Variants in SPATA18 observed in about 807,000 individuals in gnomAD.
SPATA18 encodes the protein spermatogenesis associated 18.
Under a neutral mutation model 68.1 loss-of-function variants are expected in SPATA18, and 54 were observed. The ratio of observed to expected loss-of-function variants is 0.79; its 90% CI spans 0.64 to 0.99. The LOEUF (loss-of-function observed/expected upper bound fraction) is 0.99. Ranked by LOEUF, SPATA18 falls within the 50% of genes least tolerant of loss-of-function variation. The probability of loss-of-function intolerance (pLI) is 0.00; values close to 1 mark genes in which losing one functional copy is unlikely to be tolerated. For synonymous variants in SPATA18, 242 were observed against 244.8 expected, an observed-to-expected ratio of 0.99 and a Z score of 0.11; for missense variants, 724 against 681.1, an observed-to-expected ratio of 1.06 and a Z score of -0.70.
chr4:52,060,264 G>A (rs1195836707), intron 1 of SPATA18, among the ~76,000 whole-genome samples, 155 bp from the exon 2 acceptor site: 1 of 152,196 alleles, frequency 6.6e-6, no homozygotes, highest in Non-Finnish European at 1.5e-5. Context: ...GTGTCCAGGA[G>A]GAAAGGGAGA....
chr4:52,078,852 A>G lies in SPATA18; in HGVS notation c.1138A>G (p.Ile380Val), dbSNP rs1740650900. The change falls in exon 8 of 13, where the codon ATT becomes GTT. Residue 380 changes from isoleucine to valine, a missense_variant. Coordinates refer to ENST00000295213, the MANE Select transcript of SPATA18 (RefSeq NM_145263.4). ...DFENAVLDYV[I>V]CHLDLYDSQS... is the part of the protein sequence containing the mutation. ...TGAGAATGCTGTCTTGGATTATGTC[A>G]TTTGTCATCTTGATCTATATGATTC... The G allele has an allele frequency of 6.2e-7, 1 of 1,605,404 alleles. No homozygotes were observed.
chr4:52,089,161 ATTC>A (rs904659343), intron 11 of SPATA18, among the ~76,000 whole-genome samples: 6 of 151,322 alleles, frequency 4.0e-5, no homozygotes, highest in Non-Finnish European at 8.8e-5. Context: ...TGTCTATTTG[ATTC>A]TTCTCTCTTT....
At chr4:52,052,784 C>G (rs1738012266) in intron 1 of SPATA18, among the ~76,000 whole-genome samples, 1 of 152,222 alleles carries the variant, frequency 6.6e-6, no homozygotes, top group Non-Finnish European at 1.5e-5. Flanking sequence ...TAGCTTGTTT[C>G]TGAGATCCTG....
rs1470704617 is a variant in SPATA18 at position 52,051,496 on chromosome 4, C to T, written c.-209C>T. 2 of 554,700 alleles carry T rather than the reference C, an allele frequency of 3.6e-6. No homozygotes were observed. Among genetic ancestry groups the T allele is most frequent in the East Asian group, 2.9e-5 (1 of 34,840 alleles). The allele number at this position is 554,700 out of a possible 1,614,324, so 34.4% of individuals were successfully genotyped here. A position where few individuals can be genotyped will look rare whatever the true frequency, so the allele number is the denominator to read the frequency against. On this transcript the variant is annotated 5_prime_UTR_variant, in exon 1 of 13. Coordinates refer to ENST00000295213, the MANE Select transcript of SPATA18 (RefSeq NM_145263.4). The stretch of plus-strand genomic sequence containing the variant: ...ACCGCGCGGGACGGCGGATGAGGCG[C>T]GGCGGCTGCGGCCCAGGGCACCTCC...
rs768447449 is a variant in SPATA18 at position 52,079,880 on chromosome 4, T to A, written c.1316T>A (p.Ile439Asn). ...CAGGCCTTAGAACCACCCCTAGATA[T>A]TGCATATGGAGCAGATGGAGAAGTT... ...AMQALEPPLD[I>N]AYGADGEVFN... Residue 439 changes from isoleucine to asparagine, a missense_variant, in exon 9 of 13, where the codon ATT becomes AAT. Physicochemically the swap from Ile to Asn is moderately radical, Grantham distance 149. Transcript: ENST00000295213. The A allele has an allele frequency of 6.2e-7, 1 of 1,613,848 alleles. No homozygotes were observed. Among genetic ancestry groups the A allele is most frequent in the Non-Finnish European group, 8.5e-7 (1 of 1,179,850 alleles).
chr4:52,077,210 T>G (rs2109481306), intron 7 of SPATA18, among the ~76,000 whole-genome samples, 170 bp downstream of exon 7: 1 of 151,786 alleles, frequency 6.6e-6, no homozygotes, highest in South Asian at 2.1e-4. Context: ...CTTCCCTTTC[T>G]TCCTCCTTTC....
chr4:52,094,600 A>C, intron 12 of SPATA18, 28 bp downstream of exon 12: 1 of 1,611,060 alleles, frequency 6.2e-7, no homozygotes, highest in Non-Finnish European at 8.5e-7. Flanking sequence ...AGATGGATCA[A>C]ATTTTCTGCT....
At chr4:52,052,326 G>A (rs2109394357) in intron 1 of SPATA18, among the ~76,000 whole-genome samples, 1 of 152,336 alleles carries the variant, frequency 6.6e-6, no homozygotes, top group Non-Finnish European at 1.5e-5. Context: ...TCACTTGCGT[G>A]CTGGTGGGCC....
intron 11 of SPATA18, among the ~76,000 whole-genome samples, chr4:52,089,022 T>A (rs1432924192): frequency 6.6e-6 from 1 of 152,204 alleles, no homozygotes; most frequent in African/African-American, 2.4e-5. Flanking sequence ...AGGGTGTATG[T>A]GTCCAGGAAT....
chr4:52,063,403 C>T (rs1347184459), intron 4 of SPATA18, among the ~76,000 whole-genome samples: 6 of 152,190 alleles, frequency 3.9e-5, no homozygotes, highest in Non-Finnish European at 8.8e-5. Flanking sequence ...TTTGTGCCTG[C>T]ACCTCCACAC....
intron 6 of SPATA18, among the ~76,000 whole-genome samples, chr4:52,074,141 A>G (rs1740108556): frequency 6.6e-6 from 1 of 152,202 alleles, no homozygotes; most frequent in African/African-American, 2.4e-5. Flanking sequence ...TTTTTCTTCT[A>G]GAATGGGATT....
Position 52,072,044 on chromosome 4 carries a change from C to G in SPATA18, c.646C>G (p.Gln216Glu). 1.2e-6 allele frequency: 2 copies of G among 1,613,888 alleles called. No individual in the cohort carries two copies. The highest frequency in any genetic ancestry group is 1.7e-6 in the Non-Finnish European group (2 of 1,179,996). The change falls in exon 6 of 13, where the codon CAG becomes GAG. Residue 216 changes from glutamine (Q) to glutamate (E), a missense_variant. Physicochemically the swap from Gln to Glu is conservative, Grantham distance 29. Transcript: ENST00000295213. ...GCGTGAGCAGTGGAACTCACTCAAG[C>G]AGAATGCAGACCAGCAGGACACAGA... ...RKREQWNSLKQNADQQDTEAM... is the reference protein window; with the variant it reads ...RKREQWNSLKENADQQDTEAM...
intron 9 of SPATA18, among the ~76,000 whole-genome samples, chr4:52,080,816 G>A (rs1377167637): frequency 6.6e-6 from 1 of 152,168 alleles, no homozygotes; most frequent in African/African-American, 2.4e-5. Context: ...GCATGAAGTG[G>A]GTGCCCAGGA....
intron 1 of SPATA18, among the ~76,000 whole-genome samples, chr4:52,055,276 A>AT (rs1738241221): frequency 1.3e-5 from 2 of 152,238 alleles, no homozygotes; most frequent in Non-Finnish European, 2.9e-5. Context: ...TTCTACACTT[A>AT]TAACGTGGAA....
intron 1 of SPATA18, 91 bp from the exon 2 acceptor site, chr4:52,060,328 C>A (rs1271681415): frequency 2.1e-6 from 2 of 949,010 alleles, no homozygotes; most frequent in Non-Finnish European, 3.2e-6. Context: ...CAGAGCCAGG[C>A]AGCTCGTGGG....
chr4:52,063,559 A>G (rs1739070747), intron 4 of SPATA18, among the ~76,000 whole-genome samples: 1 of 152,224 alleles, frequency 6.6e-6, no homozygotes, highest in Non-Finnish European at 1.5e-5. Flanking sequence ...GGATTCTTCA[A>G]TAAGCCACTT....
intron 7 of SPATA18, 99 bp from the exon 8 acceptor site, chr4:52,078,636 C>A (rs1740618886): frequency 2.8e-6 from 3 of 1,083,962 alleles, no homozygotes; most frequent in Non-Finnish European, 3.9e-6. Context: ...ATCAGAAGAC[C>A]AATATGATGT....
At chr4:52,055,411 A>T (rs1438190009) in intron 1 of SPATA18, among the ~76,000 whole-genome samples, 3 of 152,196 alleles carry the variant, frequency 2.0e-5, no homozygotes, top group Non-Finnish European at 4.4e-5. Context: ...CAGGCAAGGC[A>T]TTGTCCCCTA....
intron 6 of SPATA18, among the ~76,000 whole-genome samples, chr4:52,074,734 G>A (rs1293431926): frequency 2.0e-5 from 3 of 152,174 alleles, no homozygotes; most frequent in Admixed American, 2.0e-4. Flanking sequence ...ACATCCTAAA[G>A]TAACATTACA....
Sources: allele counts gnomAD v4.1 joint callset (sites outside exome capture counted in the v4.1 genomes callset), GRCh38; gene constraint gnomAD v4.1.1; transcripts MANE v1.5; gene names NCBI Gene and HGNC (gene_info 2026-07-23, HGNC 2026-07-21).